Variants in ANKRD27 observed in about 807,000 individuals in gnomAD.
ANKRD27 encodes the protein ankyrin repeat domain 27, also known as ankyrin repeat domain-containing protein 27.
In ANKRD27, 112 loss-of-function variants were observed where a neutral mutation model predicts 129.7. The observed-to-expected ratio is 0.86, with a 90% CI of 0.74 to 1.01. The LOEUF is 1.01. Ranked by LOEUF, ANKRD27 falls within the 50% of genes least tolerant of loss-of-function variation. The pLI, the probability that ANKRD27 is intolerant of heterozygous loss-of-function variation, is 0.00. For synonymous variants in ANKRD27, 516 were observed against 511.2 expected (o/e 1.01, Z -0.13); for missense variants, 1,258 against 1,300.5 (o/e 0.97, Z 0.50).
At chr19:32,616,961 G>C (rs1432928376) in intron 21 of ANKRD27, among the ~76,000 whole-genome samples, 2 of 152,118 alleles carry the variant, frequency 1.3e-5, no homozygotes, top group Non-Finnish European at 2.9e-5. Flanking sequence ...TAGTGGGCCT[G>C]GGCTCTGAGC....
chr19:32,646,591 T>C lies in ANKRD27; in HGVS notation c.238A>G (p.Ile80Val). ...GKDVFIQGNRIKLGAGFACLL... is the reference protein window; with the variant it reads ...GKDVFIQGNRVKLGAGFACLL... Reference sequence around the variant, plus strand: ...CAGGCAAAACCAGCTCCTAATTTAATCCTGTTCCCTTGAATAAAGACATCC... The same window carrying C: ...CAGGCAAAACCAGCTCCTAATTTAACCCTGTTCCCTTGAATAAAGACATCC... Residue 80 changes from isoleucine (I) to valine (V), a missense_variant, in exon 4 of 29, where the codon ATT becomes GTT. Transcript: ENST00000306065. The C allele has an allele frequency of 6.2e-7, 1 of 1,613,234 alleles. No individual in the cohort carries two copies. Among genetic ancestry groups the C allele is most frequent in the Non-Finnish European group, 8.5e-7 (1 of 1,179,776 alleles).
At chr19:32,640,713 G>A (rs900449114) in intron 10 of ANKRD27, among the ~76,000 whole-genome samples, 1 of 152,104 alleles carries the variant, frequency 6.6e-6, no homozygotes, top group Non-Finnish European at 1.5e-5. Flanking sequence ...GCCAGCCTGG[G>A]CAATATAGCA....
chr19:32,649,782 G>T lies in ANKRD27; in HGVS notation c.113C>A (p.Pro38His). ...VAQIHGIVLVPCKGSLSSSIQ... is the reference protein window; with the variant it reads ...VAQIHGIVLVHCKGSLSSSIQ... ...GCTGCTCGACAGGCTTCCTTTGCAG[G>T]GTACTAAGACCTGGAAAAAACAATT... The change falls in exon 3 of 29, where the codon CCC becomes CAC. Residue 38 changes from proline to histidine, a missense_variant. By Grantham distance (77) the Pro-to-His change is moderately conservative. Transcript: ENST00000306065. The T allele has an allele frequency of 6.2e-7, 1 of 1,612,994 alleles. No individual in the cohort carries two copies. The highest frequency in any genetic ancestry group is 8.5e-7 in the Non-Finnish European group (1 of 1,179,102).
At chr19:32,631,271 G>A (rs986823832) in intron 13 of ANKRD27, 131 bp downstream of exon 13, 37 of 776,780 alleles carry the variant, frequency 4.8e-5, no homozygotes, top group Admixed American at 8.8e-5. Flanking sequence ...CACCCACCTC[G>A]GCCTCCCAAA....
intron 1 of ANKRD27, among the ~76,000 whole-genome samples, chr19:32,660,040 G>A (rs62124331): frequency 0.11 from 16,075 of 152,224 alleles, 1,115 homozygotes; most frequent in East Asian, 0.26. Context: ...AGGAGGATCC[G>A]CTTAAGACCA....
chr19:32,598,593 G>T (rs894240683), intron 28 of ANKRD27, among the ~76,000 whole-genome samples: 2 of 152,084 alleles, frequency 1.3e-5, no homozygotes, highest in African/African-American at 4.8e-5. Flanking sequence ...CAATCTTTAT[G>T]ACTCTAGGAG....
chr19:32,626,689 G>A (rs377379579), intron 16 of ANKRD27, 23 bp downstream of exon 16: 38 of 1,562,202 alleles, frequency 2.4e-5, no homozygotes, highest in South Asian at 3.5e-5. Flanking sequence ...GCGACAGCCC[G>A]CCACAAAGGC....
At chr19:32,628,946 A>T in intron 13 of ANKRD27, 97 bp from the exon 14 acceptor site, 1 of 1,397,872 alleles carries the variant, frequency 7.2e-7, no homozygotes, top group Non-Finnish European at 9.8e-7. Flanking sequence ...TTTGAGATGG[A>T]GTCTCGTCCT....
At chr19:32,637,047 C>T (rs1425194416) in intron 12 of ANKRD27, among the ~76,000 whole-genome samples, 1 of 152,080 alleles carries the variant, frequency 6.6e-6, no homozygotes, top group East Asian at 1.9e-4. Context: ...CGTGCCCGGC[C>T]CAGCACACAA....
chr19:32,637,745 C>T (rs559284093), intron 12 of ANKRD27: 1 of 152,508 alleles, frequency 6.6e-6, no homozygotes, highest in Non-Finnish European at 1.5e-5. Flanking sequence ...CAGGAAGCAT[C>T]CCTGCCGCCG....
At chr19:32,623,953 C>T (rs1314991293) in intron 17 of ANKRD27, among the ~76,000 whole-genome samples, 1 of 152,146 alleles carries the variant, frequency 6.6e-6, no homozygotes, top group Non-Finnish European at 1.5e-5. Context: ...TGTAACAAAC[C>T]ACAGCTGTGA....
intron 17 of ANKRD27, 28 bp downstream of exon 17, chr19:32,625,846 C>G (rs753270532): frequency 2.0e-6 from 3 of 1,481,828 alleles, no homozygotes; most frequent in Non-Finnish European, 1.8e-6. Flanking sequence ...GTGAACGCAG[C>G]CCCCCCGGAA....
intron 15 of ANKRD27, among the ~76,000 whole-genome samples, chr19:32,627,397 TATTTATTTA>T (rs1568405370): frequency 1.1e-3 from 92 of 83,008 alleles, no homozygotes; most frequent in Middle Eastern, 0.012. Flanking sequence ...TTTATTTATT[TATTTATTTA>T]TTTATTTTTT....
In ANKRD27 at chr19:32,627,756, G is replaced by A. The variant is rs539016065; in HGVS notation, c.1420+327C>T. ...TTTTAAAGGCAGGGCCACAAGAACT[G>A]CGAGCTGACGATTCTGAGACCGTTC... On this transcript the variant is annotated intron_variant, in intron 15 of 28. Transcript: ENST00000306065. 3.3e-5 allele frequency among the ~76,000 whole-genome samples: 5 copies of A among 152,322 alleles called. No individual in the cohort carries two copies. The East Asian group carries it at 9.6e-4, about 29-fold the overall frequency.
At chr19:32,621,155 G>A (rs1292385441) in intron 18 of ANKRD27, among the ~76,000 whole-genome samples, 1 of 87,412 alleles carries the variant, frequency 1.1e-5, no homozygotes, top group Non-Finnish European at 2.3e-5. Flanking sequence ...TGGAAGAGCT[G>A]GAAATTATAA....
rs1421941665 is a variant in ANKRD27, at chr19:32,666,639, C to CTTTTTTT, written c.-30-7595_-30-7594insAAAAAAA. ...GGGCACAGAAAAGGAAATCAGATTT[C>CTTTTTTT]TATTTTTTTTTTTTTTTTTTTTTGA... On this transcript the variant is annotated intron_variant, in intron 1 of 28. Coordinates refer to ENST00000306065, the MANE Select transcript of ANKRD27 (RefSeq NM_032139.3). Among the ~76,000 whole-genome samples the CTTTTTTT allele has an allele frequency of 2.7e-5, 3 of 112,018 alleles. 1 individual carries two copies. Among genetic ancestry groups the CTTTTTTT allele is most frequent in the Non-Finnish European group, 1.8e-5 (1 of 56,758 alleles). 73.5% of individuals were successfully genotyped at this position (112,018 alleles called of 152,430 possible). A position where few individuals can be genotyped will look rare whatever the true frequency, so the allele number is the denominator to read the frequency against.
At chr19:32,659,139 C>CTTTTT (rs35323163) in intron 1 of ANKRD27, 94 bp from the exon 2 acceptor site, 6 of 157,972 alleles carry the variant, frequency 3.8e-5, no homozygotes, top group African/African-American at 7.3e-5. Context: ...TTTTCTTTTT[C>CTTTTT]TTTTTTTTTT....
chr19:32,608,733 C>G (rs1035514933), intron 22 of ANKRD27, among the ~76,000 whole-genome samples: 1 of 152,106 alleles, frequency 6.6e-6, no homozygotes, highest in Non-Finnish European at 1.5e-5. Context: ...GGGCAGATCA[C>G]CTGAGGTCAG....
At position 32,597,984 on chromosome 19, in the gene ANKRD27, G is replaced by T; in HGVS notation, c.*161C>A. The T allele has an allele frequency of 1.6e-6, 1 of 638,630 alleles. No individual in the cohort carries two copies. Among genetic ancestry groups the T allele is most frequent in the Admixed American group, 2.9e-5 (1 of 34,460 alleles). The allele number at this position is 638,630 out of a possible 1,614,324, so 39.6% of individuals were successfully genotyped here. On this transcript the variant is annotated 3_prime_UTR_variant, in exon 29 of 29. Coordinates refer to ENST00000306065, the MANE Select transcript of ANKRD27 (RefSeq NM_032139.3). ...GATGGTGGTGGTTAACTTTTTTGTTGCATTCTTTCCTGCCACAGAAAAGCT... is the reference window on the plus strand; with the variant it reads ...GATGGTGGTGGTTAACTTTTTTGTTTCATTCTTTCCTGCCACAGAAAAGCT...
Sources: allele counts gnomAD v4.1 joint callset (sites outside exome capture counted in the v4.1 genomes callset), GRCh38; gene constraint gnomAD v4.1.1; transcripts MANE v1.5; gene names NCBI Gene and HGNC (gene_info 2026-07-23, HGNC 2026-07-21).